ZFPM2: variants seen among roughly 807,000 people sequenced by gnomAD.
ZFPM2 encodes zinc finger protein, FOG family member 2, also known as zinc finger protein ZFPM2.
In ZFPM2, 20 loss-of-function variants were observed where a neutral mutation model predicts 98.6. The observed-to-expected ratio is 0.20, with a 90% CI of 0.14 to 0.29. The LOEUF (loss-of-function observed/expected upper bound fraction) is 0.29, where lower values mean the gene tolerates loss of function less well. Among genes scored for constraint, ZFPM2 ranks in the 10% least tolerant of loss-of-function variants. The pLI is 1.00. For missense variants in ZFPM2, 1,310 were observed against 1,388.6 expected (o/e 0.94, Z 0.90); for synonymous variants, 518 against 502.7 (o/e 1.03, Z -0.41).
At chr8:105,462,292 C>T (rs11779504) in intron 3 of ZFPM2, among the ~76,000 whole-genome samples, 21,107 of 152,018 alleles carry the variant, frequency 0.14, 1,645 homozygotes, top group African/African-American at 0.21. Flanking sequence ...TCCCAATATG[C>T]AATCCCTATT....
At chr8:105,403,974 T>C (rs538740670) in intron 1 of ZFPM2, among the ~76,000 whole-genome samples, 67 of 148,406 alleles carry the variant, frequency 4.5e-4, no homozygotes, top group African/African-American at 1.5e-3. Context: ...TAAGGGACTT[T>C]GATGGTTATT....
intron 7 of ZFPM2, among the ~76,000 whole-genome samples, chr8:105,800,787 C>T (rs772305167): frequency 8.5e-5 from 13 of 152,090 alleles, no homozygotes; most frequent in Non-Finnish European, 1.8e-4. Flanking sequence ...CGTGTTTCCT[C>T]ATCTATAAAA....
At chr8:105,779,035 G>T (rs181722285) in intron 5 of ZFPM2, among the ~76,000 whole-genome samples, 81 of 152,066 alleles carry the variant, frequency 5.3e-4, no homozygotes, top group African/African-American at 1.9e-3. Flanking sequence ...TAATGGCGAT[G>T]CTATGCAGTA....
At chr8:105,746,335 T>C (rs924149384) in intron 5 of ZFPM2, among the ~76,000 whole-genome samples, 1 of 152,038 alleles carries the variant, frequency 6.6e-6, no homozygotes, top group Non-Finnish European at 1.5e-5. Context: ...TGTCTTTATG[T>C]AAGGGATATT....
intron 3 of ZFPM2, among the ~76,000 whole-genome samples, chr8:105,453,200 C>T (rs1476122506): frequency 6.6e-6 from 1 of 152,146 alleles, no homozygotes; most frequent in African/African-American, 2.4e-5. Context: ...ATATGCAACA[C>T]TCAGTGGTAG....
chr8:105,646,483 G>A (rs370949570), intron 5 of ZFPM2, among the ~76,000 whole-genome samples: 90 of 152,254 alleles, frequency 5.9e-4, no homozygotes, highest in Middle Eastern at 3.4e-3. Context: ...CAGTTATGAA[G>A]GCTTCTGCGG....
chr8:105,639,098 A>C (rs2130847799), intron 5 of ZFPM2, among the ~76,000 whole-genome samples: 1 of 152,184 alleles, frequency 6.6e-6, no homozygotes, highest in African/African-American at 2.4e-5. Flanking sequence ...AGTTAAAAGG[A>C]GCTCTGCTGG....
rs141375112 is a variant in ZFPM2 at position 105,357,266 on chromosome 8, C to T, written c.40+38285C>T. ...GAGGCTTTTCAGTATTCTCCTAATCCACAGCAATTTTTCCTTTTTATACTT... is the reference window on the plus strand; with the variant it reads ...GAGGCTTTTCAGTATTCTCCTAATCTACAGCAATTTTTCCTTTTTATACTT... On this transcript the variant is annotated intron_variant, in intron 1 of 7. Transcript: ENST00000407775. Among the ~76,000 whole-genome samples the T allele has an allele frequency of 6.6e-3, 1,008 of 152,244 alleles. 9 individuals carry two copies. The highest frequency in any genetic ancestry group is 0.023 in the African/African-American group (956 of 41,542).
intron 5 of ZFPM2, chr8:105,675,779 A>T (rs1012600513): frequency 4.6e-5 from 7 of 152,188 alleles, no homozygotes; most frequent in Admixed American, 6.5e-5. Flanking sequence ...GAAAACTTCT[A>T]ATTTCCATTT....
intron 4 of ZFPM2, among the ~76,000 whole-genome samples, chr8:105,598,917 C>A (rs539703478): frequency 1.3e-5 from 2 of 152,286 alleles, no homozygotes; most frequent in African/African-American, 4.8e-5. Context: ...TGCGGAGGCA[C>A]CCCTCACATA....
chr8:105,604,012 C>A (rs1405635817), intron 4 of ZFPM2, among the ~76,000 whole-genome samples: 1 of 151,920 alleles, frequency 6.6e-6, no homozygotes, highest in African/African-American at 2.4e-5. Flanking sequence ...CATGTTAAAG[C>A]CAAATTTAAA....
intron 5 of ZFPM2, among the ~76,000 whole-genome samples, chr8:105,773,760 C>T (rs1446664431): frequency 6.6e-6 from 1 of 151,666 alleles, no homozygotes; most frequent in Non-Finnish European, 1.5e-5. Flanking sequence ...TTGAAGCAGC[C>T]ATTGAACATG....
chr8:105,660,006 A>T (rs1415867463), intron 5 of ZFPM2, among the ~76,000 whole-genome samples: 3 of 152,202 alleles, frequency 2.0e-5, no homozygotes, highest in Non-Finnish European at 4.4e-5. Context: ...TGATACTAAC[A>T]AAGAGTTTGA....
chr8:105,658,306 C>CTGCATCACTA (rs1586178857), intron 5 of ZFPM2, among the ~76,000 whole-genome samples: 1 of 123,168 alleles, frequency 8.1e-6, no homozygotes, highest in East Asian at 2.4e-4. Flanking sequence ...TCAAAGCAGA[C>CTGCATCACTA]GGCCGGGCGC....
chr8:105,630,449 A>C (rs1198263712), intron 4 of ZFPM2, among the ~76,000 whole-genome samples: 1 of 152,106 alleles, frequency 6.6e-6, no homozygotes, highest in Non-Finnish European at 1.5e-5. Flanking sequence ...TGGTCCCTTG[A>C]GATTTTTTAT....
chr8:105,340,868 G>A (rs1812416134), intron 1 of ZFPM2, among the ~76,000 whole-genome samples: 1 of 151,940 alleles, frequency 6.6e-6, no homozygotes, highest in African/African-American at 2.4e-5. Flanking sequence ...AAATAAAATA[G>A]GGTAACGTGA....
At chr8:105,568,579 A>G (rs1815288125) in intron 4 of ZFPM2, among the ~76,000 whole-genome samples, 2 of 152,106 alleles carry the variant, frequency 1.3e-5, no homozygotes, top group African/African-American at 4.8e-5. Flanking sequence ...TGCTTTCGTA[A>G]TGATTGTTCT....
intron 5 of ZFPM2, among the ~76,000 whole-genome samples, chr8:105,744,642 G>C (rs1261654505): frequency 1.4e-5 from 1 of 70,734 alleles, no homozygotes; most frequent in African/African-American, 5.8e-5. Context: ...TATATTAGAA[G>C]AGGACAAAAA....
At chr8:105,778,812 T>G (rs1813171540) in intron 5 of ZFPM2, among the ~76,000 whole-genome samples, 1 of 152,138 alleles carries the variant, frequency 6.6e-6, no homozygotes, top group South Asian at 2.1e-4. Context: ...GCATAATTAC[T>G]TTTTCTCCAA....
Sources: allele counts gnomAD v4.1 joint callset (sites outside exome capture counted in the v4.1 genomes callset), GRCh38; gene constraint gnomAD v4.1.1; transcripts MANE v1.5; gene names NCBI Gene and HGNC (gene_info 2026-07-23, HGNC 2026-07-21).